Variants in CNBD1 observed in about 807,000 individuals in gnomAD.
CNBD1 encodes cyclic nucleotide-binding domain-containing protein 1.
Under a neutral mutation model 54.4 loss-of-function variants are expected in CNBD1, and 71 were observed. The ratio of observed to expected loss-of-function variants is 1.30; its 90% CI spans 1.08 to 1.59. The LOEUF (loss-of-function observed/expected upper bound fraction) is 1.59. Among genes scored for constraint, CNBD1 ranks in the 40% most tolerant of loss-of-function variants. The pLI is 0.00. For missense variants in CNBD1, 659 were observed against 518.0 expected (o/e 1.27, Z -2.64); for synonymous variants, 182 against 170.7 (o/e 1.07, Z -0.51).
rs1426296020 is a variant in CNBD1 at position 86,870,398 on chromosome 8, C to T, written c.88+3815C>T. Among the ~76,000 whole-genome samples, 5 of 151,630 alleles carry T rather than the reference C, an allele frequency of 3.3e-5. No individual in the cohort carries two copies. In the East Asian group the frequency reaches 7.8e-4, roughly 24 times the overall value. On this transcript the variant is annotated intron_variant, in intron 1 of 10. Transcript: ENST00000518476. ...TTTTTTAGTAGAGACGGGCTTTCAC[C>T]GTGTTGGCCAGAATGGTCTCGATCT...
intron 4 of CNBD1, among the ~76,000 whole-genome samples, chr8:87,018,136 G>A (rs543253124): frequency 4.0e-4 from 61 of 152,232 alleles, no homozygotes; most frequent in Middle Eastern, 6.8e-3. Context: ...CCAGCTACTC[G>A]GGAGGCTGAG....
chr8:87,156,336 C>T (rs1483854499), intron 4 of CNBD1, among the ~76,000 whole-genome samples: 1 of 123,374 alleles, frequency 8.1e-6, no homozygotes, highest in African/African-American at 3.4e-5. Context: ...CCTCTGCCTC[C>T]TGAGTTCAAA....
chr8:86,960,860 C>A (rs1013310282), intron 4 of CNBD1, among the ~76,000 whole-genome samples: 2 of 152,154 alleles, frequency 1.3e-5, no homozygotes, highest in Non-Finnish European at 2.9e-5. Context: ...GCTGGTGATA[C>A]CCAGGCAAAC....
At chr8:87,215,432 C>CA (rs763250079) in intron 5 of CNBD1, among the ~76,000 whole-genome samples, 2 of 151,802 alleles carry the variant, frequency 1.3e-5, no homozygotes, top group African/African-American at 2.4e-5. Flanking sequence ...TAAAAAAATA[C>CA]AAAAAATTAG....
chr8:87,299,152 A>C lies in CNBD1; in HGVS notation c.1042+12481A>C, dbSNP rs1396449683. Among the ~76,000 whole-genome samples the C allele has an allele frequency of 3.3e-5, 5 of 152,330 alleles. No individual in the cohort carries two copies. The East Asian group carries it at 9.7e-4, about 29-fold the overall frequency. On this transcript the variant is annotated intron_variant, in intron 8 of 10. Transcript: ENST00000518476. ...AGGTAAGAGTATCACGACACCAGTC[A>C]GTACAAAAATCTGGGTTTTATTTAT...
intron 4 of CNBD1, among the ~76,000 whole-genome samples, chr8:87,084,274 A>T (rs1185341391): frequency 2.0e-5 from 3 of 152,194 alleles, no homozygotes; most frequent in African/African-American, 7.2e-5. Flanking sequence ...TCATTCCCAG[A>T]ACTCTTCATT....
chr8:87,065,526 T>C (rs1173219531), intron 4 of CNBD1, among the ~76,000 whole-genome samples: 1 of 151,940 alleles, frequency 6.6e-6, no homozygotes, highest in Non-Finnish European at 1.5e-5. Context: ...GCCCTTATTA[T>C]GAGAATGCAG....
At chr8:87,404,758 T>C (rs1010985630) in intron 2 of CNBD1, among the ~76,000 whole-genome samples, 3 of 152,126 alleles carry the variant, frequency 2.0e-5, no homozygotes, top group African/African-American at 7.2e-5. Flanking sequence ...TATTAGCAAA[T>C]AACTATCATT....
At chr8:87,408,070 CT>C (rs1275428053) in intron 2 of CNBD1, among the ~76,000 whole-genome samples, 3 of 151,972 alleles carry the variant, frequency 2.0e-5, no homozygotes, top group Admixed American at 6.6e-5. Flanking sequence ...AGATAACTTT[CT>C]GTATTATCTT....
chr8:87,282,666 A>G (rs1808620687), intron 6 of CNBD1, among the ~76,000 whole-genome samples: 1 of 151,970 alleles, frequency 6.6e-6, no homozygotes, highest in African/African-American at 2.4e-5. Flanking sequence ...AATATTAGGG[A>G]GTCTGATGAT....
chr8:87,198,801 G>A (rs571796741), intron 4 of CNBD1, among the ~76,000 whole-genome samples: 2 of 152,288 alleles, frequency 1.3e-5, no homozygotes, highest in South Asian at 4.1e-4. Context: ...ACTGTATTAG[G>A]CCAGTCTTGC....
chr8:86,935,699 ATAAC>A (rs1284703196), intron 3 of CNBD1, among the ~76,000 whole-genome samples: 2 of 152,156 alleles, frequency 1.3e-5, no homozygotes, highest in Admixed American at 6.5e-5. Context: ...AGATTTCTAA[ATAAC>A]TAAATTTTGG....
At chr8:87,203,293 G>A (rs549345826) in intron 4 of CNBD1, among the ~76,000 whole-genome samples, 2 of 152,170 alleles carry the variant, frequency 1.3e-5, no homozygotes, top group East Asian at 3.9e-4. Context: ...TATATCTGAT[G>A]TACATACATA....
intron 5 of CNBD1, among the ~76,000 whole-genome samples, chr8:87,211,373 G>T (rs546321127): frequency 2.0e-5 from 3 of 152,144 alleles, no homozygotes; most frequent in Non-Finnish European, 4.4e-5. Context: ...GGACTGTTGA[G>T]ATGGGATAAT....
intron 6 of CNBD1, among the ~76,000 whole-genome samples, chr8:87,280,960 T>A (rs1279229379): frequency 6.7e-6 from 1 of 148,158 alleles, no homozygotes; most frequent in East Asian, 2.0e-4. Flanking sequence ...TATGTAGCCT[T>A]AATAGATGAT....
chr8:86,870,238 G>T (rs1374774505), intron 1 of CNBD1, among the ~76,000 whole-genome samples: 1 of 136,274 alleles, frequency 7.3e-6, no homozygotes, highest in Non-Finnish European at 1.5e-5. Flanking sequence ...GCCCAGGCTG[G>T]AGTGCAGTGG....
chr8:87,321,681 A>T (rs970281725), intron 8 of CNBD1, among the ~76,000 whole-genome samples: 1 of 151,818 alleles, frequency 6.6e-6, no homozygotes, highest in Non-Finnish European at 1.5e-5. Flanking sequence ...CTGCACAAAA[A>T]CTTTTTAATT....
chr8:87,301,188 C>T (rs990853375), intron 8 of CNBD1, among the ~76,000 whole-genome samples: 4 of 151,992 alleles, frequency 2.6e-5, no homozygotes, highest in Non-Finnish European at 5.9e-5. Flanking sequence ...TAACAAGCAG[C>T]AAGATTGAAA....
At chr8:87,227,868 T>G (rs1814542613) in intron 5 of CNBD1, among the ~76,000 whole-genome samples, 1 of 148,364 alleles carries the variant, frequency 6.7e-6, no homozygotes, top group Non-Finnish European at 1.5e-5. Flanking sequence ...CCCATCACTT[T>G]CAGGTACACC....
Sources: allele counts gnomAD v4.1 joint callset (sites outside exome capture counted in the v4.1 genomes callset), GRCh38; gene constraint gnomAD v4.1.1; transcripts MANE v1.5; gene names NCBI Gene and HGNC (gene_info 2026-07-23, HGNC 2026-07-21).